CHD4: variants seen among roughly 807,000 people sequenced by gnomAD.
CHD4 encodes ATP-dependent chromatin remodeler CHD4.
CHD4 carries 35 observed loss-of-function variants against 235.5 expected under a neutral mutation model. The observed-to-expected ratio is 0.15, with a 90% CI of 0.11 to 0.20. CHD4 has a LOEUF of 0.20. Among genes scored for constraint, CHD4 ranks in the 10% least tolerant of loss-of-function variants. CHD4 has a pLI of 1.00. For missense variants in CHD4, 1,329 were observed against 2,432.3 expected (o/e 0.55, Z 9.54); for synonymous variants, 900 against 850.2 (o/e 1.06, Z -1.02).
intron 22 of CHD4, among the ~76,000 whole-genome samples, chr12:6,588,623 C>T (rs898994792): frequency 6.6e-6 from 1 of 151,860 alleles, no homozygotes; most frequent in Non-Finnish European, 1.5e-5. Flanking sequence ...ACTAAAAATA[C>T]AAAAATTAGC....
chr12:6,604,588 C>T lies in CHD4; in HGVS notation c.100+1686G>A, dbSNP rs377231385. ...GTCAACCCCCAACCCCCATCAGCTA[C>T]ATCTCACCACCCCCATAAAAGCTGG... On this transcript the variant is annotated intron_variant, in intron 2 of 39. Transcript: ENST00000544040. 2.0e-5 allele frequency among the ~76,000 whole-genome samples: 3 copies of T among 151,912 alleles called. No individual in the cohort carries two copies. The East Asian group carries it at 5.8e-4, about 29-fold the overall frequency.
intron 2 of CHD4, among the ~76,000 whole-genome samples, chr12:6,605,277 G>A (rs1170978840): frequency 3.3e-5 from 5 of 151,978 alleles, no homozygotes; most frequent in African/African-American, 7.3e-5. Context: ...ATGAAGAAAT[G>A]ACATGTAGAA....
rs1419285466 is a variant in CHD4 at position 6,581,668 on chromosome 12, A to C, written c.4662T>G (p.Pro1554=). 1.2e-6 allele frequency: 2 copies of C among 1,612,924 alleles called. No homozygotes were observed. Among genetic ancestry groups the C allele is most frequent in the East Asian group, 2.2e-5 (1 of 44,836 alleles). ...STPGDTQPNT[P]APVPPAEDGI... ...ACTTACCAGCAGGTGGGACAGGTGC[A>C]GGAGTGTTGGGCTGCGTGTCCCCTG... The change falls in exon 31 of 40, where the codon CCT becomes CCG. Residue 1554 remains proline (P), a synonymous_variant. Transcript: ENST00000544040.
In CHD4 at chr12:6,594,358, G is replaced by A. The variant is rs577051697; in HGVS notation, c.2313+101C>T. On this transcript the variant is annotated intron_variant, in intron 15 of 39. Transcript: ENST00000544040. ...TTATCCACAGTGTTCTTGAAGGTCA[G>A]AGACCAATTTTTTTATTCCCTTATC... 5.7e-5 allele frequency: 64 copies of A among 1,116,608 alleles called. No homozygotes were observed. The East Asian group carries it at 1.4e-3, about 25-fold the overall frequency. The allele number at this position is 1,116,608 out of a possible 1,614,324, so 69.2% of individuals were successfully genotyped here.
chr12:6,595,586 G>A (rs928787205), intron 13 of CHD4, among the ~76,000 whole-genome samples, 156 bp from the exon 14 acceptor site: 1 of 151,992 alleles, frequency 6.6e-6, no homozygotes, highest in Admixed American at 6.6e-5. Flanking sequence ...TCAGGAGATC[G>A]AGACCAGCCT....
At chr12:6,584,082 C>T (rs1351033252) in intron 25 of CHD4, 2 of 152,094 alleles carry the variant, frequency 1.3e-5, no homozygotes, top group Non-Finnish European at 1.5e-5. Context: ...TTCAAACAAC[C>T]ATAGATGGAA....
intron 10 of CHD4, among the ~76,000 whole-genome samples, chr12:6,599,313 A>T (rs1037729977): frequency 6.6e-6 from 1 of 151,950 alleles, no homozygotes; most frequent in African/African-American, 2.4e-5. Context: ...GGCATGCACC[A>T]GTACTCCTAG....
rs190431482 is a variant in CHD4 at position 6,572,364 on chromosome 12, T to G, written c.5557+710A>C. Among the ~76,000 whole-genome samples the G allele has an allele frequency of 4.7e-5, 7 of 149,040 alleles. No homozygotes were observed. The East Asian group carries it at 1.4e-3, about 30-fold the overall frequency. ...TTGCTTGAACCCAGGAGGCAGAGGT[T>G]GTGGTGGGCCAAGATCACACCACTG... is the stretch of plus-strand genomic sequence containing the variant. On this transcript the variant is annotated intron_variant, in intron 38 of 39. Coordinates refer to ENST00000544040, the MANE Select transcript of CHD4 (RefSeq NM_001273.5).
chr12:6,600,456 A>AC, intron 8 of CHD4, 61 bp from the exon 9 acceptor site: 2 of 967,138 alleles, frequency 2.1e-6, no homozygotes, highest in South Asian at 1.3e-5. Flanking sequence ...CCACCCCCCG[A>AC]CCCCTATCTC....
At chr12:6,591,104 CA>C (rs1334797529) in intron 22 of CHD4, 1 of 116,140 alleles carries the variant, frequency 8.6e-6, no homozygotes, top group African/African-American at 3.5e-5. Flanking sequence ...GCCTGGGCGA[CA>C]GAGCAAGACT....
chr12:6,591,426 A>T, intron 22 of CHD4, 40 bp downstream of exon 22: 1 of 1,506,942 alleles, frequency 6.6e-7, no homozygotes, highest in Non-Finnish European at 9.2e-7. Context: ...GATATAAGCA[A>T]ATGAGGATTC....
intron 10 of CHD4, among the ~76,000 whole-genome samples, chr12:6,599,505 G>A (rs1948553572): frequency 6.6e-6 from 1 of 151,976 alleles, no homozygotes; most frequent in Non-Finnish European, 1.5e-5. Context: ...CCTGAGGCAG[G>A]GTGTCAACAC....
chr12:6,582,441 A>C (rs777764824), intron 29 of CHD4, among the ~76,000 whole-genome samples, 160 bp from the exon 30 acceptor site: 60 of 152,154 alleles, frequency 3.9e-4, no homozygotes, highest in Non-Finnish European at 7.5e-4. Flanking sequence ...CCCCACAAGA[A>C]GACCCAGGTT....
At chr12:6,574,339 TCTC>T (rs1189717811) in intron 37 of CHD4, among the ~76,000 whole-genome samples, 2 of 152,294 alleles carry the variant, frequency 1.3e-5, no homozygotes, top group South Asian at 2.1e-4. Flanking sequence ...ACCTATGCAT[TCTC>T]CTAATGCTGA....
chr12:6,570,950 T>C lies in CHD4; in HGVS notation c.5640A>G (p.Pro1880=), dbSNP rs569100347. Residue 1880 remains proline, a synonymous_variant, in exon 39 of 40, where the codon CCA becomes CCG. Transcript: ENST00000544040. ...CTGACATCTGTAACCTCACAGCAAC[T>C]GGGGGAATTCGGGCAATGGTAGCTG... ...RLPATIARIP[P]VAVRLQMSER... is the part of the protein sequence containing the mutation. The C allele has an allele frequency of 6.2e-6, 10 of 1,614,144 alleles. No individual in the cohort carries two copies. In the East Asian group the frequency reaches 2.2e-4, roughly 36 times the overall value.
rs887555149 is a variant in CHD4, at chr12:6,606,450, C to T, written c.-77G>A. Reference sequence around the variant, plus strand: ...TGAGGACCTCTACACTGGCCCGAGTCACTGTGCGGGGGAGGGGGGAGAAAC... The same window carrying T: ...TGAGGACCTCTACACTGGCCCGAGTTACTGTGCGGGGGAGGGGGGAGAAAC... On this transcript the variant is annotated splice_region_variant and 5_prime_UTR_variant, in exon 2 of 40. Coordinates refer to ENST00000544040, the MANE Select transcript of CHD4 (RefSeq NM_001273.5). The T allele has an allele frequency of 3.7e-6, 3 of 811,732 alleles. No homozygotes were observed. The Admixed American group carries it at 8.8e-5, about 24-fold the overall frequency. The allele number at this position is 811,732 out of a possible 1,614,324, so 50.3% of individuals were successfully genotyped here.
Position 6,593,716 on chromosome 12 carries a change from C to CT in CHD4, c.2314-101dup. ...CTGCCCCCTCAAGCTGAGCCAAGGA[C>CT]TGACACACCTGCGCTGCTGCTCCTG... is the stretch of plus-strand genomic sequence containing the variant. On this transcript the variant is annotated intron_variant, in intron 15 of 39. Transcript: ENST00000544040. The surrounding 1 kb of genome is among the most constrained non-coding windows in gnomAD (Gnocchi z 4.9). 9.9e-7 allele frequency: 1 copy of CT among 1,011,900 alleles called. No homozygotes were observed. The highest frequency in any genetic ancestry group is 1.6e-5 in the African/African-American group (1 of 63,220). The allele number at this position is 1,011,900 out of a possible 1,614,324, so 62.7% of individuals were successfully genotyped here. A position where few individuals can be genotyped will look rare whatever the true frequency, so the allele number is the denominator to read the frequency against.
At chr12:6,581,515 A>C in intron 31 of CHD4, 127 bp from the exon 32 acceptor site, 1 of 1,519,562 alleles carries the variant, frequency 6.6e-7, no homozygotes, top group Non-Finnish European at 9.1e-7. Flanking sequence ...TATTCTTAGG[A>C]CGGCCCTCCT....
chr12:6,592,244 A>G lies in CHD4; in HGVS notation c.2948+149T>C, dbSNP rs560980904. On this transcript the variant is annotated intron_variant, in intron 19 of 39. Coordinates refer to ENST00000544040, the MANE Select transcript of CHD4 (RefSeq NM_001273.5). Reference sequence around the variant, plus strand: ...GTATAACCTAAAATAAGTAAGAACTATGCGCTCCAGCGCCCTAGCATCAGG... The same window carrying G: ...GTATAACCTAAAATAAGTAAGAACTGTGCGCTCCAGCGCCCTAGCATCAGG... 17 of 1,259,480 alleles carry G rather than the reference A, an allele frequency of 1.3e-5. No individual in the cohort carries two copies. In the Admixed American group the frequency reaches 2.3e-4, roughly 17 times the overall value. 78.0% of individuals were successfully genotyped at this position (1,259,480 alleles called of 1,614,324 possible). A position where few individuals can be genotyped will look rare whatever the true frequency, so the allele number is the denominator to read the frequency against.
Sources: gnomAD v4.1 joint callset for allele counts (sites outside exome capture counted in the v4.1 genomes callset) on GRCh38, gnomAD v4.1.1 for gene constraint, Gnocchi (gnomAD v3.1) non-coding constraint, MANE v1.5 for transcripts, NCBI Gene and HGNC (gene_info 2026-07-23, HGNC 2026-07-21) for gene names.